The following DPH6 variants were observed in gnomAD, a reference collection of about 807,000 sequenced individuals.
The protein encoded by DPH6 is diphthine--ammonia ligase.
A neutral mutation model predicts 38.2 loss-of-function variants in DPH6; 33 were observed. The ratio of observed to expected loss-of-function variants is 0.86; its 90% CI spans 0.65 to 1.15. DPH6 has a LOEUF of 1.15. Ranked by LOEUF, DPH6 falls within the 50% of genes most tolerant of loss-of-function variation. The probability of loss-of-function intolerance (pLI) is 0.00; values close to 1 mark genes in which losing one functional copy is unlikely to be tolerated. For missense variants in DPH6, 325 were observed against 320.0 expected (o/e 1.02, Z -0.12); for synonymous variants, 108 against 103.0 (o/e 1.05, Z -0.30).
At chr15:35,430,968 CA>C (rs1295936810) in intron 5 of DPH6, among the ~76,000 whole-genome samples, 1 of 151,978 alleles carries the variant, frequency 6.6e-6, no homozygotes, top group Non-Finnish European at 1.5e-5. Context: ...AAAACAAAAA[CA>C]AAAACAAAAC....
chr15:35,546,026 A>G, intron 1 of DPH6, 93 bp downstream of exon 1: 3 of 1,164,606 alleles, frequency 2.6e-6, no homozygotes, highest in East Asian at 3.2e-5. Flanking sequence ...CGCGCGACTC[A>G]GACGGAGACA....
At chr15:35,279,530 G>C (rs972353695) in intron 3 of DPH6, among the ~76,000 whole-genome samples, 1 of 152,104 alleles carries the variant, frequency 6.6e-6, no homozygotes. Flanking sequence ...GCTTGGTGCT[G>C]TCCTCCCCAT....
intron 3 of DPH6, among the ~76,000 whole-genome samples, chr15:35,245,832 A>C (rs1027440369): frequency 1.1e-4 from 16 of 152,228 alleles, no homozygotes; most frequent in African/African-American, 3.9e-4. Context: ...AAATTAGAGA[A>C]GAAGGCTTAA....
chr15:35,401,598 C>T, intron 6 of DPH6: 6 of 764,734 alleles, frequency 7.8e-6, no homozygotes, highest in Non-Finnish European at 1.2e-5. Flanking sequence ...ATGATTTTGG[C>T]AATTACAACA....
At chr15:35,426,158 A>G (rs769140597) in intron 5 of DPH6, among the ~76,000 whole-genome samples, 1 of 151,384 alleles carries the variant, frequency 6.6e-6, no homozygotes, top group Non-Finnish European at 1.5e-5. Context: ...TTTACAACAC[A>G]TGTTGGGAGT....
the DPH6 span, among the ~76,000 whole-genome samples, chr15:35,170,765 C>T: frequency 2.6e-5 from 4 of 152,092 alleles, no homozygotes; most frequent in Non-Finnish European, 4.4e-5. Context: ...CTGAGAACAA[C>T]AGTGGAAACA....
intron 5 of DPH6, among the ~76,000 whole-genome samples, chr15:35,424,954 C>T (rs1448027915): frequency 6.6e-6 from 1 of 151,606 alleles, no homozygotes; most frequent in East Asian, 1.9e-4. Flanking sequence ...ACCCTGATTA[C>T]AGCCTCCTTC....
At chr15:35,361,746 T>C (rs2052616378) in intron 3 of DPH6, among the ~76,000 whole-genome samples, 1 of 151,920 alleles carries the variant, frequency 6.6e-6, no homozygotes, top group South Asian at 2.1e-4. Context: ...GTTCAGTTTT[T>C]ATATTCTTTG....
intron 3 of DPH6, among the ~76,000 whole-genome samples, chr15:35,221,510 T>C (rs2051441950): frequency 6.6e-6 from 1 of 152,202 alleles, no homozygotes; most frequent in African/African-American, 2.4e-5. Context: ...ATGCACTCTG[T>C]GTCTGCAGAG....
At chr15:35,265,039 C>T (rs1024402007) in intron 3 of DPH6, among the ~76,000 whole-genome samples, 2 of 152,122 alleles carry the variant, frequency 1.3e-5, no homozygotes, top group African/African-American at 4.8e-5. Context: ...ACAGTTATGT[C>T]ATTCTAGATT....
chr15:35,327,390 G>A (rs900188898), downstream of DPH6, among the ~76,000 whole-genome samples: 3 of 142,900 alleles, frequency 2.1e-5, no homozygotes, highest in Non-Finnish European at 4.5e-5. Context: ...CTGTCCCCCA[G>A]GCTGGAGTGC....
At chr15:35,359,703 G>A (rs149227951) in intron 3 of DPH6, among the ~76,000 whole-genome samples, 10 of 152,248 alleles carry the variant, frequency 6.6e-5, no homozygotes, top group African/African-American at 2.2e-4. Flanking sequence ...TGCAGTTGGG[G>A]CACTCACAGT....
chr15:35,328,931 A>G (rs187931730), downstream of DPH6, among the ~76,000 whole-genome samples: 7 of 152,250 alleles, frequency 4.6e-5, no homozygotes, highest in African/African-American at 1.4e-4. Flanking sequence ...GCAGAGAGAG[A>G]ATGAGGAAGA....
At chr15:35,356,278 C>T (rs2052559337) in intron 3 of DPH6, among the ~76,000 whole-genome samples, 1 of 152,182 alleles carries the variant, frequency 6.6e-6, no homozygotes, top group African/African-American at 2.4e-5. Context: ...CTTCTTCTCT[C>T]AACTCGTCAA....
chr15:35,294,834 G>C (rs1279940500), intron 3 of DPH6, among the ~76,000 whole-genome samples: 1 of 152,192 alleles, frequency 6.6e-6, no homozygotes, highest in Non-Finnish European at 1.5e-5. Flanking sequence ...AGTGAGGGAA[G>C]GTTTTCCTAA....
rs748315539 is a variant in DPH6, at chr15:35,538,424, C to T, written c.162G>A (p.Gly54=). Residue 54 remains glycine (G), a synonymous_variant, in exon 3 of 9, where the codon GGG becomes GGA. Coordinates refer to ENST00000256538, the MANE Select transcript of DPH6 (RefSeq NM_080650.4). ...ELDSYMYQTV[G]HHAIDLYAEA... ...CTGCATACAAGTCAATGGCATGGTG[C>T]CCCACTGTCTGATACATGTAGCTAT... 7.5e-6 allele frequency: 12 copies of T among 1,599,066 alleles called. No individual in the cohort carries two copies. In the Admixed American group the frequency reaches 1.8e-4, roughly 24 times the overall value.
chr15:35,177,100 A>G, the DPH6 span, among the ~76,000 whole-genome samples: 1 of 152,140 alleles, frequency 6.6e-6, no homozygotes, highest in Non-Finnish European at 1.5e-5. Flanking sequence ...CCTTTCCCAC[A>G]AGGTTAATCC....
At chr15:35,253,321 C>T (rs2051686590) in intron 3 of DPH6, among the ~76,000 whole-genome samples, 2 of 152,164 alleles carry the variant, frequency 1.3e-5, no homozygotes, top group Admixed American at 1.3e-4. Context: ...TTACTGCTTC[C>T]TTGGTATAGA....
chr15:35,471,783 G>C (rs2054201501), intron 3 of DPH6, among the ~76,000 whole-genome samples: 1 of 151,896 alleles, frequency 6.6e-6, no homozygotes. Flanking sequence ...TAAATCCTTT[G>C]TATCTCTTAC....
Sources: gnomAD v4.1 joint callset for allele counts (sites outside exome capture counted in the v4.1 genomes callset) on GRCh38, gnomAD v4.1.1 for gene constraint, MANE v1.5 for transcripts, NCBI Gene and HGNC (gene_info 2026-07-23, HGNC 2026-07-21) for gene names.